Variants in RRN3 observed in about 807,000 individuals in gnomAD.
The protein encoded by RRN3 is RNA polymerase I transcription factor RRN3, also known as RNA polymerase I-specific transcription initiation factor RRN3.
In RRN3, 38 loss-of-function variants were observed where a neutral mutation model predicts 82.3. The observed-to-expected ratio is 0.46, with a 90% CI of 0.36 to 0.61. The LOEUF (loss-of-function observed/expected upper bound fraction) is 0.61. Among genes scored for constraint, RRN3 ranks in the 20% least tolerant of loss-of-function variants. The pLI, the probability that RRN3 is intolerant of heterozygous loss-of-function variation, is 0.00. For synonymous variants in RRN3, 284 were observed against 284.3 expected (o/e 1.00, Z 0.01); for missense variants, 726 against 793.1 (o/e 0.92, Z 1.02).
At chr16:15,089,786 CAAAAAAAAAAAAAAA>C (rs142235345) in intron 3 of RRN3, among the ~76,000 whole-genome samples, 1 of 66,574 alleles carries the variant, frequency 1.5e-5, no homozygotes, top group Admixed American at 2.3e-4. Flanking sequence ...GGCGACAGAG[CAAAAAAAAAAAAAAA>C]AAAAAAAAAA....
intron 12 of RRN3, 23 bp downstream of exon 12, chr16:15,072,927 A>C: frequency 2.5e-6 from 4 of 1,611,536 alleles, no homozygotes; most frequent in Non-Finnish European, 3.4e-6. Flanking sequence ...AGCTAAGATA[A>C]TGTTAATCAC....
At chr16:15,080,940 G>T (rs554582850) in intron 8 of RRN3, among the ~76,000 whole-genome samples, 11 of 151,698 alleles carry the variant, frequency 7.3e-5, no homozygotes, top group African/African-American at 2.7e-4. Flanking sequence ...ACAGTTTGTG[G>T]CATGTTTTTA....
rs150321506 is a variant in RRN3, at chr16:15,068,365, T to C, written c.1445-88A>G. ...TTTTAAAAGCACAAATTATCACACA[T>C]TTAAAAAAAACTTTAAAAAATTATT... On this transcript the variant is annotated intron_variant, in intron 14 of 17. Coordinates refer to ENST00000198767, the MANE Select transcript of RRN3 (RefSeq NM_018427.5). 5.6e-4 allele frequency: 824 copies of C among 1,459,832 alleles called. 5 individuals are homozygous for C. The African/African-American group carries it at 0.011, about 19-fold the overall frequency. 90.4% of individuals were successfully genotyped at this position (1,459,832 alleles called of 1,614,324 possible). A position where few individuals can be genotyped will look rare whatever the true frequency, so the allele number is the denominator to read the frequency against.
At chr16:15,079,379 G>A (rs980614280) in intron 9 of RRN3, among the ~76,000 whole-genome samples, 10 of 152,096 alleles carry the variant, frequency 6.6e-5, no homozygotes, top group Non-Finnish European at 1.0e-4. Context: ...AATCACTTCC[G>A]TAAGAATCCC....
intron 9 of RRN3, 140 bp downstream of exon 9, chr16:15,079,858 A>G (rs1322837069): frequency 2.1e-6 from 2 of 962,386 alleles, no homozygotes; most frequent in East Asian, 6.3e-5. Context: ...CGGCCTCCCA[A>G]AGTGCTGGGA....
Position 15,061,033 on chromosome 16 carries a change from T to G in RRN3, c.*711A>C, listed in dbSNP as rs1365006135. ...TGGACCTCCATTTTTGTCTTTTAAA[T>G]CCATTTTTTCGCTGTGCCAAGTATA... On this transcript the variant is annotated 3_prime_UTR_variant, in exon 18 of 18. Transcript: ENST00000198767. The G allele has an allele frequency of 6.6e-6, 1 of 152,220 alleles. No individual in the cohort carries two copies. The highest frequency in any genetic ancestry group is 1.5e-5 in the Non-Finnish European group (1 of 68,044). 9.4% of individuals were successfully genotyped at this position (152,220 alleles called of 1,614,324 possible). A position where few individuals can be genotyped will look rare whatever the true frequency, so the allele number is the denominator to read the frequency against.
chr16:15,077,765 C>T (rs1162063983), intron 9 of RRN3, among the ~76,000 whole-genome samples: 2 of 152,164 alleles, frequency 1.3e-5, no homozygotes, highest in Non-Finnish European at 1.5e-5. Context: ...TGCTTGAACC[C>T]CGGAGGTGGA....
At chr16:15,073,648 A>G (rs2045334490) in intron 11 of RRN3, among the ~76,000 whole-genome samples, 1 of 152,236 alleles carries the variant, frequency 6.6e-6, no homozygotes, top group Admixed American at 6.5e-5. Flanking sequence ...TCGTGTAGCA[A>G]AAGACCTCTA....
intron 15 of RRN3, among the ~76,000 whole-genome samples, chr16:15,066,393 G>A (rs2044974281): frequency 6.6e-6 from 1 of 152,158 alleles, no homozygotes; most frequent in South Asian, 2.1e-4. Context: ...AGCACTTTGG[G>A]AGGTTGAGGC....
intron 3 of RRN3, among the ~76,000 whole-genome samples, chr16:15,090,989 C>G (rs1212950462): frequency 1.3e-5 from 2 of 151,972 alleles, no homozygotes; most frequent in East Asian, 1.9e-4. Flanking sequence ...GGTTTCCCAG[C>G]CTCAACACTG....
Position 15,063,704 on chromosome 16 carries a change from CA to C in RRN3, c.1707-422del, listed in dbSNP as rs10664930. ...TGGGAGACAGAGCAAGACTCTGTCT[CA>C]AAAAAAAAAAAAAAAAAGAAAAAAA... On this transcript the variant is annotated intron_variant, in intron 16 of 17. Coordinates refer to ENST00000198767, the MANE Select transcript of RRN3 (RefSeq NM_018427.5). 4.7e-3 allele frequency among the ~76,000 whole-genome samples: 423 copies of C among 89,104 alleles called. 3 individuals carry two copies. Among genetic ancestry groups the C allele is most frequent in the African/African-American group, 0.019 (382 of 19,670 alleles). The allele number at this position is 89,104 out of a possible 152,430, so 58.5% of individuals were successfully genotyped here.
chr16:15,080,632 T>C (rs1187405054), intron 8 of RRN3, among the ~76,000 whole-genome samples: 2 of 152,178 alleles, frequency 1.3e-5, no homozygotes, highest in African/African-American at 2.4e-5. Context: ...TTTCTCACTA[T>C]GTTGCCCAGG....
At chr16:15,070,383 T>C (rs1597901131) in intron 13 of RRN3, 129 bp from the exon 14 acceptor site, 4 of 650,588 alleles carry the variant, frequency 6.1e-6, no homozygotes, top group Non-Finnish European at 1.1e-5. Flanking sequence ...ATAATACCCA[T>C]GGGTACAGAG....
In RRN3 at chr16:15,071,280, C is replaced by A. The variant is rs772538760; in HGVS notation, c.1129-29G>T. ...TAAAAAGAGAGGGCGTCGGTGTGATCTTTTTTAATGCCTAAGATAATCTGG... is the reference window on the plus strand; with the variant it reads ...TAAAAAGAGAGGGCGTCGGTGTGATATTTTTTAATGCCTAAGATAATCTGG... On this transcript the variant is annotated intron_variant, in intron 12 of 17. Coordinates refer to ENST00000198767, the MANE Select transcript of RRN3 (RefSeq NM_018427.5). 8.9e-6 allele frequency: 14 copies of A among 1,575,036 alleles called. No individual in the cohort carries two copies. In the South Asian group the frequency reaches 1.2e-4, roughly 13 times the overall value.
At position 15,086,178 on chromosome 16, in the gene RRN3, A is replaced by G. The variant is rs2045909606; in HGVS notation, c.423T>C (p.Thr141=). The part of the protein sequence containing the change: ...AFLGNLVSAQ[T]VFLRPCLSMI... ...TGCTGAGACACGGTCTGAGGAAAAC[A>G]GTCTGTGCTGATACAAGATTACCAA... Residue 141 remains threonine, a synonymous_variant, in exon 5 of 18, where the codon ACT becomes ACC. Coordinates refer to ENST00000198767, the MANE Select transcript of RRN3 (RefSeq NM_018427.5). The G allele has an allele frequency of 6.2e-7, 1 of 1,603,026 alleles. No homozygotes were observed. The highest frequency in any genetic ancestry group is 8.5e-7 in the Non-Finnish European group (1 of 1,172,980).
chr16:15,072,352 G>T (rs1255316558), intron 12 of RRN3, among the ~76,000 whole-genome samples: 2 of 151,980 alleles, frequency 1.3e-5, no homozygotes, highest in Non-Finnish European at 2.9e-5. Flanking sequence ...CCCTTGGAAA[G>T]AATAAAGGAA....
intron 12 of RRN3, 54 bp downstream of exon 12, chr16:15,072,896 T>C: frequency 1.3e-6 from 2 of 1,592,818 alleles, no homozygotes; most frequent in Non-Finnish European, 1.7e-6. Flanking sequence ...TTAGGGAAAA[T>C]TTTTGGGCAA....
intron 12 of RRN3, among the ~76,000 whole-genome samples, 167 bp downstream of exon 12, chr16:15,072,783 A>C (rs1308919214): frequency 6.6e-6 from 1 of 152,192 alleles, no homozygotes; most frequent in Non-Finnish European, 1.5e-5. Context: ...AGAAAGGAAA[A>C]GAAAACAAAA....
At chr16:15,062,657 A>C (rs1055502885) in intron 17 of RRN3, among the ~76,000 whole-genome samples, 1 of 152,246 alleles carries the variant, frequency 6.6e-6, no homozygotes, top group Non-Finnish European at 1.5e-5. Context: ...AACATGAGTC[A>C]ACTGGAGATT....
Sources: allele counts gnomAD v4.1 joint callset (sites outside exome capture counted in the v4.1 genomes callset), GRCh38; gene constraint gnomAD v4.1.1; transcripts MANE v1.5; gene names NCBI Gene and HGNC (gene_info 2026-07-23, HGNC 2026-07-21).